The following DLEU7 variants were observed in gnomAD, a reference collection of about 807,000 sequenced individuals.
The protein encoded by DLEU7 is deleted in lymphocytic leukemia 7, also known as leukemia-associated protein 7.
A neutral mutation model predicts 16.0 loss-of-function variants in DLEU7; 17 were observed. The ratio of observed to expected loss-of-function variants is 1.06; its 90% confidence interval spans 0.73 to 1.59. The LOEUF (loss-of-function observed/expected upper bound fraction) is 1.59. Among genes scored for constraint, DLEU7 ranks in the 40% most tolerant of loss-of-function variants. DLEU7 has a pLI of 0.00. For synonymous variants in DLEU7, 113 were observed against 139.8 expected, an observed-to-expected ratio of 0.81 and a Z score of 1.35; for missense variants, 308 against 314.9, an observed-to-expected ratio of 0.98 and a Z score of 0.17.
chr13:50,716,847 A>G (rs1873451885), intron 1 of DLEU7, among the ~76,000 whole-genome samples: 1 of 152,226 alleles, frequency 6.6e-6, no homozygotes, highest in Admixed American at 6.5e-5. Flanking sequence ...TTTTTGAAAG[A>G]CACATCAAAA....
chr13:50,733,061 C>G (rs993402201), intron 1 of DLEU7, among the ~76,000 whole-genome samples: 1 of 152,174 alleles, frequency 6.6e-6, no homozygotes, highest in African/African-American at 2.4e-5. Flanking sequence ...CAGTTGACTA[C>G]CTTTTCTTTT....
At chr13:50,722,714 C>T (rs1873657090) in intron 1 of DLEU7, among the ~76,000 whole-genome samples, 1 of 152,226 alleles carries the variant, frequency 6.6e-6, no homozygotes, top group South Asian at 2.1e-4. Flanking sequence ...AACAAGAATT[C>T]ATCCTCAAGT....
At chr13:50,811,758 T>TTG (rs1255420344) in intron 1 of DLEU7, among the ~76,000 whole-genome samples, 1 of 152,108 alleles carries the variant, frequency 6.6e-6, no homozygotes, top group Non-Finnish European at 1.5e-5. Context: ...AGAACTGGAC[T>TTG]TGTCTTCATA....
chr13:50,806,339 T>G (rs928410089), intron 1 of DLEU7, among the ~76,000 whole-genome samples: 1 of 152,144 alleles, frequency 6.6e-6, no homozygotes, highest in African/African-American at 2.4e-5. Flanking sequence ...TGGTTGGTTG[T>G]TTTTTGACCA....
chr13:50,720,835 T>C (rs559216626), intron 1 of DLEU7, among the ~76,000 whole-genome samples: 51 of 152,280 alleles, frequency 3.3e-4, no homozygotes, highest in African/African-American at 1.1e-3. Context: ...TCTAAGTAAC[T>C]TAATATCAAA....
intron 1 of DLEU7, among the ~76,000 whole-genome samples, chr13:50,760,083 G>A (rs1355269281): frequency 6.6e-6 from 1 of 152,142 alleles, no homozygotes; most frequent in Non-Finnish European, 1.5e-5. Context: ...TCATTCAGGG[G>A]TTTGGTCTGG....
chr13:50,828,157 A>C (rs1877155772), intron 1 of DLEU7, among the ~76,000 whole-genome samples: 1 of 152,240 alleles, frequency 6.6e-6, no homozygotes, highest in Non-Finnish European at 1.5e-5. Context: ...AACTAGATAG[A>C]TCAAACAACA....
intron 1 of DLEU7, among the ~76,000 whole-genome samples, chr13:50,740,982 G>A (rs1006524250): frequency 6.6e-6 from 1 of 152,016 alleles, no homozygotes; most frequent in Admixed American, 6.6e-5. Flanking sequence ...TCTCTACACT[G>A]TGGGCAACTG....
At chr13:50,758,758 C>T (rs1199913420) in intron 1 of DLEU7, among the ~76,000 whole-genome samples, 1 of 152,162 alleles carries the variant, frequency 6.6e-6, no homozygotes, top group African/African-American at 2.4e-5. Context: ...CTGGCTTTCT[C>T]CAGAGTGAGG....
At chr13:50,724,822 C>T (rs949693598) in intron 1 of DLEU7, among the ~76,000 whole-genome samples, 1 of 152,164 alleles carries the variant, frequency 6.6e-6, no homozygotes. Flanking sequence ...TCAAATGTCA[C>T]TGGTTGCCAC....
At chr13:50,718,187 GACA>G (rs1390134743) in intron 1 of DLEU7, among the ~76,000 whole-genome samples, 3 of 152,112 alleles carry the variant, frequency 2.0e-5, no homozygotes, top group African/African-American at 7.2e-5. Flanking sequence ...CTGATGAAAA[GACA>G]ACAATCGTTT....
At chr13:50,842,800 C>T (rs1381147611) in intron 1 of DLEU7, among the ~76,000 whole-genome samples, 3 of 152,192 alleles carry the variant, frequency 2.0e-5, no homozygotes, top group African/African-American at 7.2e-5. Flanking sequence ...GTATTTAAGG[C>T]TCTGGAGGAA....
At chr13:50,714,167 T>G (rs902130675) in intron 1 of DLEU7, among the ~76,000 whole-genome samples, 1 of 152,228 alleles carries the variant, frequency 6.6e-6, no homozygotes, top group Non-Finnish European at 1.5e-5. Context: ...TGCTTACTGG[T>G]GAGCCACTGA....
chr13:50,735,531 TATTATA>T (rs1250061711), intron 1 of DLEU7, among the ~76,000 whole-genome samples: 6 of 152,016 alleles, frequency 3.9e-5, no homozygotes, highest in Non-Finnish European at 7.4e-5. Context: ...AATTTCTAAA[TATTATA>T]ATTATGTCTC....
At chr13:50,776,427 C>G (rs1327985747) in intron 1 of DLEU7, among the ~76,000 whole-genome samples, 1 of 152,198 alleles carries the variant, frequency 6.6e-6, no homozygotes, top group Non-Finnish European at 1.5e-5. Context: ...CTTTTCCAAC[C>G]ACAGTCAGGG....
chr13:50,822,560 A>C (rs1208023853), downstream of DLEU7: 48 of 924,224 alleles, frequency 5.2e-5, no homozygotes, highest in Non-Finnish European at 6.1e-5. Context: ...CAGTAGATCC[A>C]CTCCTTTCCT....
chr13:50,837,895 T>C (rs1877523760), intron 1 of DLEU7, among the ~76,000 whole-genome samples: 1 of 152,174 alleles, frequency 6.6e-6, no homozygotes, highest in Non-Finnish European at 1.5e-5. Context: ...TTTCAAAGTT[T>C]GCTAATGACA....
At chr13:50,724,498 C>T (rs1315319916) in intron 1 of DLEU7, among the ~76,000 whole-genome samples, 2 of 151,620 alleles carry the variant, frequency 1.3e-5, no homozygotes, top group Admixed American at 6.6e-5. Flanking sequence ...TCTTTTCCTA[C>T]GGATGAAATC....
intron 1 of DLEU7, among the ~76,000 whole-genome samples, chr13:50,806,963 C>A (rs1186352503): frequency 9.0e-5 from 11 of 122,350 alleles, no homozygotes; most frequent in African/African-American, 4.0e-4. Flanking sequence ...GGTGACAGAG[C>A]TAGACTCCCT....
Sources: gnomAD v4.1 joint callset for allele counts (sites outside exome capture counted in the v4.1 genomes callset) on GRCh38, gnomAD v4.1.1 for gene constraint, MANE v1.5 for transcripts, NCBI Gene and HGNC (gene_info 2026-07-23, HGNC 2026-07-21) for gene names.